NTN1: variants seen among roughly 807,000 people sequenced by gnomAD.
NTN1 encodes the protein netrin 1.
Under a neutral mutation model 54.2 loss-of-function variants are expected in NTN1, and 11 were observed. The ratio of observed to expected loss-of-function variants is 0.20; its 90% CI spans 0.13 to 0.34. The LOEUF (loss-of-function observed/expected upper bound fraction) is 0.34. Ranked by LOEUF, NTN1 falls within the 10% of genes least tolerant of loss-of-function variation. The pLI is 1.00. For missense variants in NTN1, 740 were observed against 893.1 expected, an observed-to-expected ratio of 0.83 and a Z score of 2.18; for synonymous variants, 371 against 382.0, an observed-to-expected ratio of 0.97 and a Z score of 0.33.
chr17:9,093,689 GT>G (rs906482606), intron 2 of NTN1, among the ~76,000 whole-genome samples: 7 of 152,160 alleles, frequency 4.6e-5, no homozygotes, highest in Admixed American at 2.0e-4. Flanking sequence ...ATGTGGACAA[GT>G]TGGCTGGGCG....
intron 2 of NTN1, among the ~76,000 whole-genome samples, chr17:9,154,237 G>T (rs975013958): frequency 2.5e-4 from 38 of 152,196 alleles, no homozygotes; most frequent in African/African-American, 8.7e-4. Context: ...TATTTCCACC[G>T]ACCCTGCCAG....
chr17:9,080,655 T>C (rs992602432), intron 2 of NTN1, among the ~76,000 whole-genome samples: 23 of 152,174 alleles, frequency 1.5e-4, no homozygotes, highest in Non-Finnish European at 1.8e-4. Flanking sequence ...AGAAAGACCA[T>C]GGCAGGGTGA....
intron 4 of NTN1, among the ~76,000 whole-genome samples, chr17:9,180,812 TTGGTAGAGGGGGCTCAGCACCCATCCA>T (rs1350077222): frequency 6.6e-6 from 1 of 151,980 alleles, no homozygotes; most frequent in African/African-American, 2.4e-5. Flanking sequence ...GGTCCAAGCC[TTGGTAGAGGGGGCTCAGCACCCATCCA>T]GGGCAGAGCA....
intron 2 of NTN1, among the ~76,000 whole-genome samples, chr17:9,089,840 G>A (rs940849): frequency 0.83 from 125,915 of 152,138 alleles, 52,504 homozygotes; most frequent in East Asian, 1. Flanking sequence ...TCCTGCTACC[G>A]ACCTCCTGCA....
intron 2 of NTN1, among the ~76,000 whole-genome samples, chr17:9,049,258 T>C (rs1419097019): frequency 2.6e-5 from 4 of 152,102 alleles, no homozygotes; most frequent in Non-Finnish European, 5.9e-5. Flanking sequence ...TGATGAAAAA[T>C]AGAATATTTG....
chr17:9,118,670 A>G (rs955994865), intron 2 of NTN1, among the ~76,000 whole-genome samples: 22 of 152,134 alleles, frequency 1.4e-4, no homozygotes, highest in African/African-American at 4.8e-4. Flanking sequence ...CCAGTGCTGA[A>G]CAACCACCGC....
rs186558377 is a variant in NTN1, at chr17:9,142,077, A to G, written c.1019-20736A>G. On this transcript the variant is annotated intron_variant, in intron 2 of 6. Coordinates refer to ENST00000173229, the MANE Select transcript of NTN1 (RefSeq NM_004822.3). ...GGGAGGCGGAGCTTGCAGTGAGCCG[A>G]GATCGTGCCACTGCACTCCAGGCTG... Among the ~76,000 whole-genome samples, 19 of 152,288 alleles carry G rather than the reference A, an allele frequency of 1.2e-4. No individual in the cohort carries two copies. In the East Asian group the frequency reaches 3.7e-3, roughly 29 times the overall value.
intron 5 of NTN1, among the ~76,000 whole-genome samples, chr17:9,217,882 C>G (rs1036545691): frequency 4.2e-5 from 6 of 142,666 alleles, no homozygotes; most frequent in African/African-American, 1.3e-4. Context: ...AAAAAGCAAA[C>G]GCAACTCCAA....
At position 9,241,893 on chromosome 17, in the gene NTN1, C is replaced by G. The variant is rs1476577353; in HGVS notation, c.*1925C>G. On this transcript the variant is annotated 3_prime_UTR_variant, in exon 7 of 7. Transcript: ENST00000173229. ...CGCTGGCCCTCACTGCACTCCAGCT[C>G]TGCAGCCTACCCGCCCAATCCCTGT... is the stretch of plus-strand genomic sequence containing the variant. The G allele has an allele frequency of 6.6e-6, 1 of 152,304 alleles. No homozygotes were observed. The highest frequency in any genetic ancestry group is 2.4e-5 in the African/African-American group (1 of 41,466). 9.4% of individuals were successfully genotyped at this position (152,304 alleles called of 1,614,324 possible).
At chr17:9,180,617 C>T (rs1418331300) in intron 4 of NTN1, among the ~76,000 whole-genome samples, 5 of 152,282 alleles carry the variant, frequency 3.3e-5, no homozygotes, top group African/African-American at 9.6e-5. Flanking sequence ...TCACTATTGC[C>T]GGAATGCCGG....
upstream of NTN1, among the ~76,000 whole-genome samples, chr17:9,019,077 G>C (rs184846884): frequency 1.2e-4 from 18 of 152,296 alleles, no homozygotes; most frequent in African/African-American, 4.1e-4. Context: ...GGAAAGCTTA[G>C]GGACAAATTT....
intron 5 of NTN1, among the ~76,000 whole-genome samples, chr17:9,200,922 C>G (rs1904764080): frequency 6.6e-6 from 1 of 152,182 alleles, no homozygotes; most frequent in South Asian, 2.1e-4. Context: ...TGGCAGGCGT[C>G]ACTAAGAGAC....
chr17:9,215,831 T>C (rs934111516), intron 5 of NTN1, among the ~76,000 whole-genome samples: 1 of 152,212 alleles, frequency 6.6e-6, no homozygotes, highest in African/African-American at 2.4e-5. Context: ...AAAACTTCAG[T>C]GAGCTCTTTC....
At position 9,223,019 on chromosome 17, in the gene NTN1, G is replaced by C. The variant is rs1232256649; in HGVS notation, c.1486+1777G>C. Among the ~76,000 whole-genome samples, 3 of 152,136 alleles carry C rather than the reference G, an allele frequency of 2.0e-5. No homozygotes were observed. The East Asian group carries it at 5.8e-4, about 29-fold the overall frequency. ...TCTACAGGGTGAAGAAGAGCAGCTGGCAGGTATTATGCATCAATTCAGAAG... is the reference window on the plus strand; with the variant it reads ...TCTACAGGGTGAAGAAGAGCAGCTGCCAGGTATTATGCATCAATTCAGAAG... On this transcript the variant is annotated intron_variant, in intron 6 of 6. Coordinates refer to ENST00000173229, the MANE Select transcript of NTN1 (RefSeq NM_004822.3).
chr17:9,202,611 C>T (rs546821731), intron 5 of NTN1, among the ~76,000 whole-genome samples: 8 of 152,198 alleles, frequency 5.3e-5, no homozygotes, highest in African/African-American at 1.7e-4. Context: ...TGAGTGGTTC[C>T]CCATAAATAG....
At chr17:9,129,865 C>T (rs560490891) in intron 2 of NTN1, among the ~76,000 whole-genome samples, 58 of 152,224 alleles carry the variant, frequency 3.8e-4, no homozygotes, top group African/African-American at 1.3e-3. Flanking sequence ...GTGTGCAACT[C>T]GGGATTGATG....
At position 9,023,172 on chromosome 17, in the gene NTN1, C is replaced by A; in HGVS notation, c.799C>A (p.Leu267Met). The change falls in exon 2 of 7, where the codon CTG becomes ATG. Residue 267 changes from leucine to methionine, a missense_variant. Leu to Met is a conservative substitution (Grantham distance 15). Transcript: ENST00000173229. The stretch of plus-strand genomic sequence containing the variant: ...CGACGAGAACGAGGACGACTCGGAG[C>A]TGGCGCGCGACTCGTACTTCTACGC... ...FGDENEDDSE[L>M]ARDSYFYAVS... 1 of 1,562,918 alleles carries A rather than the reference C, an allele frequency of 6.4e-7. No individual in the cohort carries two copies. Among genetic ancestry groups the A allele is most frequent in the Non-Finnish European group, 8.7e-7 (1 of 1,151,586 alleles).
intron 5 of NTN1, among the ~76,000 whole-genome samples, chr17:9,196,528 C>G (rs1048622356): frequency 1.3e-5 from 2 of 152,344 alleles, no homozygotes; most frequent in African/African-American, 4.8e-5. Context: ...GCTGTTTGTG[C>G]GGCCACACAA....
intron 2 of NTN1, among the ~76,000 whole-genome samples, chr17:9,090,142 A>C (rs1221720202): frequency 6.7e-6 from 1 of 150,366 alleles, no homozygotes; most frequent in African/African-American, 2.4e-5. Context: ...ATCTTTTGGT[A>C]GGAGCCGGGC....
Sources: allele counts gnomAD v4.1 joint callset (sites outside exome capture counted in the v4.1 genomes callset), GRCh38; gene constraint gnomAD v4.1.1; transcripts MANE v1.5; gene names NCBI Gene and HGNC (gene_info 2026-07-23, HGNC 2026-07-21).